Variants in GXYLT2 observed in about 807,000 individuals in gnomAD.
GXYLT2 encodes the protein glycosyltransferase 8 domain containing 4.
GXYLT2 carries 53 observed loss-of-function variants against 45.8 expected under a neutral mutation model. The observed-to-expected ratio is 1.16, with a 90% CI of 0.93 to 1.46. The LOEUF (loss-of-function observed/expected upper bound fraction) is 1.46. GXYLT2 is among the 40% of genes most tolerant of loss of function. GXYLT2 has a pLI of 0.00. For synonymous variants in GXYLT2, 219 were observed against 214.2 expected, an observed-to-expected ratio of 1.02 and a Z score of -0.19; for missense variants, 551 against 544.4, an observed-to-expected ratio of 1.01 and a Z score of -0.12.
intron 6 of GXYLT2, among the ~76,000 whole-genome samples, chr3:72,969,392 C>CAAA (rs11376005): frequency 8.7e-6 from 1 of 115,282 alleles, no homozygotes; most frequent in Non-Finnish European, 2.0e-5. Context: ...GACCCTGTCT[C>CAAA]AAAAAAAAAA....
chr3:72,955,502 G>A (rs1161434961), intron 4 of GXYLT2, among the ~76,000 whole-genome samples, 153 bp downstream of exon 4: 1 of 152,150 alleles, frequency 6.6e-6, no homozygotes, highest in Non-Finnish European at 1.5e-5. Flanking sequence ...GAAAATTATA[G>A]AATATTTGTT....
intron 3 of GXYLT2, among the ~76,000 whole-genome samples, chr3:72,949,211 C>T (rs2107134558): frequency 6.6e-6 from 1 of 152,280 alleles, no homozygotes; most frequent in South Asian, 2.1e-4. Flanking sequence ...ATCTCTCACC[C>T]CTCCTCCCAC....
At chr3:72,933,629 C>T (rs72881975) in intron 3 of GXYLT2, among the ~76,000 whole-genome samples, 2,444 of 152,020 alleles carry the variant, frequency 0.016, 55 homozygotes, top group African/African-American at 0.056. Context: ...GATGTTGGGG[C>T]TGGACACAGT....
intron 2 of GXYLT2, among the ~76,000 whole-genome samples, chr3:72,916,343 T>G (rs1464943921): frequency 6.6e-6 from 1 of 151,446 alleles, no homozygotes; most frequent in Non-Finnish European, 1.5e-5. Flanking sequence ...AAAAACACCT[T>G]AAAATAAACT....
At chr3:72,894,789 A>G (rs1007199014) in intron 1 of GXYLT2, among the ~76,000 whole-genome samples, 1 of 152,142 alleles carries the variant, frequency 6.6e-6, no homozygotes, top group African/African-American at 2.4e-5. Flanking sequence ...AAAACGCTAT[A>G]ATATGTAAAC....
intron 3 of GXYLT2, among the ~76,000 whole-genome samples, chr3:72,924,924 G>C (rs888249615): frequency 6.6e-6 from 1 of 151,990 alleles, no homozygotes; most frequent in Non-Finnish European, 1.5e-5. Context: ...AAGCAGTTTT[G>C]GTAAAGGGGT....
chr3:72,964,448 G>T (rs2058195294), intron 5 of GXYLT2, among the ~76,000 whole-genome samples: 1 of 151,590 alleles, frequency 6.6e-6, no homozygotes, highest in Non-Finnish European at 1.5e-5. Flanking sequence ...TCAGCCCCCC[G>T]AGTAGCTGGG....
chr3:72,915,338 CTTT>C (rs34611815), intron 2 of GXYLT2, among the ~76,000 whole-genome samples: 4 of 48,744 alleles, frequency 8.2e-5, no homozygotes, highest in Non-Finnish European at 7.1e-5. Context: ...TACCCATTTC[CTTT>C]TTTTTTTTTT....
chr3:72,949,574 C>T (rs1325192447), intron 3 of GXYLT2, among the ~76,000 whole-genome samples: 43 of 120,156 alleles, frequency 3.6e-4, no homozygotes, highest in African/African-American at 1.3e-3. Flanking sequence ...TGCCATGGGG[C>T]GATCTCAGCT....
chr3:72,947,977 C>T (rs908882490), intron 3 of GXYLT2, among the ~76,000 whole-genome samples: 3 of 152,138 alleles, frequency 2.0e-5, no homozygotes, highest in African/African-American at 7.2e-5. Flanking sequence ...CACTTCATAA[C>T]AAAGCTTCCA....
intron 3 of GXYLT2, among the ~76,000 whole-genome samples, chr3:72,925,904 T>C (rs1053407193): frequency 6.6e-6 from 1 of 152,190 alleles, no homozygotes. Context: ...TAAAGAGAGA[T>C]TGTGGTTGAC....
intron 3 of GXYLT2, among the ~76,000 whole-genome samples, chr3:72,930,594 T>TC (rs1039418023): frequency 1.8e-5 from 2 of 109,618 alleles, no homozygotes; most frequent in African/African-American, 7.8e-5. Flanking sequence ...TTCTTCTTCT[T>TC]TTTTTTTTTT....
chr3:72,902,968 C>T (rs1028990213), intron 1 of GXYLT2, among the ~76,000 whole-genome samples: 1 of 152,188 alleles, frequency 6.6e-6, no homozygotes, highest in African/African-American at 2.4e-5. Context: ...GCTGGGATCA[C>T]ACCATTGCAC....
intron 6 of GXYLT2, among the ~76,000 whole-genome samples, chr3:72,973,970 T>C (rs1222889488): frequency 1.3e-5 from 2 of 152,190 alleles, no homozygotes; most frequent in African/African-American, 4.8e-5. Flanking sequence ...GTAAGCAGTA[T>C]TTCTGATTAA....
chr3:72,888,281 C>G lies in GXYLT2; in HGVS notation c.48C>G (p.Ala16=), dbSNP rs925586153. The G allele has an allele frequency of 3.0e-6, 3 of 994,290 alleles. No homozygotes were observed. Among genetic ancestry groups the G allele is most frequent in the Non-Finnish European group, 3.6e-6 (3 of 838,406 alleles). The allele number at this position is 994,290 out of a possible 1,614,324, so 61.6% of individuals were successfully genotyped here. Reference sequence around the variant, plus strand: ...CGGCGCTGCTCTTGCTCGCGCTGGCCGCGCTGCTGCTGGCGCTGCTGTCCC... The same window carrying G: ...CGGCGCTGCTCTTGCTCGCGCTGGCGGCGCTGCTGCTGGCGCTGCTGTCCC... ...KAAALLLLAL[A]ALLLALLSLR... Residue 16 remains alanine (A), a synonymous_variant, in exon 1 of 7, where the codon GCC becomes GCG. Transcript: ENST00000389617.
rs148525838 is a variant in GXYLT2 at position 72,899,428 on chromosome 3, C to T, written c.276-8939C>T. 3.8e-3 allele frequency among the ~76,000 whole-genome samples: 584 copies of T among 152,302 alleles called. 18 individuals are homozygous for T. Among genetic ancestry groups the T allele is most frequent in the Admixed American group, 0.033 (507 of 15,292 alleles). On this transcript the variant is annotated intron_variant, in intron 1 of 6. Transcript: ENST00000389617. ...TAACACCATGACTTCAAGGCAAATG[C>T]CAGCTCTTCTATCTTGAAAGATTTA...
At chr3:72,897,526 G>A (rs1352746122) in intron 1 of GXYLT2, among the ~76,000 whole-genome samples, 2 of 152,152 alleles carry the variant, frequency 1.3e-5, no homozygotes, top group Non-Finnish European at 2.9e-5. Context: ...CAGCTGGTGG[G>A]GTGAGGGGCA....
intron 5 of GXYLT2, among the ~76,000 whole-genome samples, chr3:72,957,631 G>A (rs975030173): frequency 6.6e-6 from 1 of 152,174 alleles, no homozygotes. Context: ...TCTAAGAAGT[G>A]CAGTTAAAAT....
rs375690427 is a variant in GXYLT2, at chr3:72,934,080, C to CT, written c.600+11764dup. The stretch of plus-strand genomic sequence containing the variant: ...ATTGATAGTTAATTTTAATTTTATT[C>CT]TTTTTTTTTTTTTTTTTTTGAGACA... On this transcript the variant is annotated intron_variant, in intron 3 of 6. Transcript: ENST00000389617. Among the ~76,000 whole-genome samples, 1,000 of 121,024 alleles carry CT rather than the reference C, an allele frequency of 8.3e-3. 15 individuals are homozygous for CT. The highest frequency in any genetic ancestry group is 0.026 in the African/African-American group (828 of 32,126). 79.4% of individuals were successfully genotyped at this position (121,024 alleles called of 152,430 possible). A position where few individuals can be genotyped will look rare whatever the true frequency, so the allele number is the denominator to read the frequency against.
Sources: allele counts gnomAD v4.1 joint callset (sites outside exome capture counted in the v4.1 genomes callset), GRCh38; gene constraint gnomAD v4.1.1; transcripts MANE v1.5; gene names NCBI Gene and HGNC (gene_info 2026-07-23, HGNC 2026-07-21).